The following MFHAS1 variants were observed in gnomAD, a reference collection of about 807,000 sequenced individuals.
MFHAS1 encodes malignant fibrous histiocytoma-amplified sequence 1.
A neutral mutation model predicts 70.4 loss-of-function variants in MFHAS1; 50 were observed. The observed-to-expected ratio is 0.71, with a 90% CI of 0.57 to 0.90. MFHAS1 has a LOEUF of 0.90. Among genes scored for constraint, MFHAS1 ranks in the 40% least tolerant of loss-of-function variants. The pLI, the probability that MFHAS1 is intolerant of heterozygous loss-of-function variation, is 0.00. For missense variants in MFHAS1, 1,795 were observed against 1,347.6 expected (o/e 1.33, Z -5.20); for synonymous variants, 952 against 620.0 (o/e 1.54, Z -7.96).
intron 1 of MFHAS1, among the ~76,000 whole-genome samples, chr8:8,831,238 C>G (rs1807375267): frequency 6.6e-6 from 1 of 152,010 alleles, no homozygotes; most frequent in Admixed American, 6.6e-5. Flanking sequence ...TCCTTATAGA[C>G]TCTATCTCCA....
At chr8:8,877,160 C>T (rs1478230971) in intron 1 of MFHAS1, among the ~76,000 whole-genome samples, 2 of 151,704 alleles carry the variant, frequency 1.3e-5, no homozygotes, top group Non-Finnish European at 2.9e-5. Context: ...ACTAACTGGG[C>T]ATGGTGGCAT....
At chr8:8,824,303 T>C (rs1563190718) in intron 1 of MFHAS1, among the ~76,000 whole-genome samples, 1 of 152,014 alleles carries the variant, frequency 6.6e-6, no homozygotes, top group Non-Finnish European at 1.5e-5. Flanking sequence ...TTAAGCATCT[T>C]AAGAAATACA....
At chr8:8,883,707 C>CAAAAAAAAAA (rs35799658) in intron 1 of MFHAS1, among the ~76,000 whole-genome samples, 58 of 29,542 alleles carry the variant, frequency 2.0e-3, no homozygotes, top group African/African-American at 5.3e-3. Context: ...GACTCAGTCT[C>CAAAAAAAAAA]AAAAAAAAAA....
intron 1 of MFHAS1, among the ~76,000 whole-genome samples, chr8:8,819,513 G>C (rs1048361043): frequency 5.3e-5 from 8 of 150,634 alleles, no homozygotes; most frequent in Admixed American, 2.0e-4. Context: ...GCTGAGGCAG[G>C]AGAATGGCGT....
intron 1 of MFHAS1, among the ~76,000 whole-genome samples, chr8:8,885,161 G>A (rs1014171962): frequency 1.3e-5 from 2 of 152,218 alleles, no homozygotes; most frequent in African/African-American, 4.8e-5. Context: ...GGTACACTCC[G>A]TGTGCAAGAA....
rs1025798370 is a variant in MFHAS1, at chr8:8,893,091, C to A, written c.-33G>T. On this transcript the variant is annotated 5_prime_UTR_variant, in exon 1 of 3. Coordinates refer to ENST00000276282, the MANE Select transcript of MFHAS1 (RefSeq NM_004225.3). ...CCCCGGGCCGACAGCCTCACGCGGA[C>A]GCGGGAGCCCGCAGCTACATGCCGC... The A allele has an allele frequency of 2.2e-5, 31 of 1,404,980 alleles. No homozygotes were observed. In the African/African-American group the frequency reaches 4.5e-4, roughly 21 times the overall value. The allele number at this position is 1,404,980 out of a possible 1,614,324, so 87.0% of individuals were successfully genotyped here.
intron 1 of MFHAS1, among the ~76,000 whole-genome samples, chr8:8,857,488 G>T (rs370217881): frequency 6.6e-6 from 1 of 152,132 alleles, no homozygotes; most frequent in Non-Finnish European, 1.5e-5. Flanking sequence ...GCCCGGCGCG[G>T]TGTCTAACGC....
chr8:8,880,689 T>G (rs997422191), intron 1 of MFHAS1, among the ~76,000 whole-genome samples: 54 of 145,382 alleles, frequency 3.7e-4, no homozygotes, highest in African/African-American at 1.3e-3. Context: ...TTTTTGTTTT[T>G]TTTTTTTTTC....
intron 1 of MFHAS1, among the ~76,000 whole-genome samples, chr8:8,851,894 C>T (rs1808260313): frequency 6.6e-6 from 1 of 152,188 alleles, no homozygotes; most frequent in African/African-American, 2.4e-5. Flanking sequence ...TCTCCATTCT[C>T]TTGGTGACAG....
chr8:8,807,049 T>A (rs773298614), intron 1 of MFHAS1, among the ~76,000 whole-genome samples: 3 of 151,652 alleles, frequency 2.0e-5, no homozygotes, highest in Non-Finnish European at 4.4e-5. Context: ...GTATAGAAAA[T>A]CATTCCTCAA....
At chr8:8,847,201 G>C (rs1156480375) in intron 1 of MFHAS1, among the ~76,000 whole-genome samples, 1 of 152,042 alleles carries the variant, frequency 6.6e-6, no homozygotes, top group Non-Finnish European at 1.5e-5. Flanking sequence ...TTTCTTTTGA[G>C]ACAGAGTTTT....
At chr8:8,829,236 C>T (rs763054172) in intron 1 of MFHAS1, among the ~76,000 whole-genome samples, 11 of 152,214 alleles carry the variant, frequency 7.2e-5, no homozygotes, top group Non-Finnish European at 1.0e-4. Flanking sequence ...TGGCAGATTC[C>T]AACTCAGTAT....
intron 1 of MFHAS1, among the ~76,000 whole-genome samples, chr8:8,889,070 G>C (rs1288669272): frequency 6.7e-6 from 1 of 149,018 alleles, no homozygotes; most frequent in African/African-American, 2.5e-5. Context: ...AACTAGTCCT[G>C]GAATTCTTCC....
At chr8:8,812,397 C>A (rs1299335058) in intron 1 of MFHAS1, among the ~76,000 whole-genome samples, 1 of 152,180 alleles carries the variant, frequency 6.6e-6, no homozygotes, top group Admixed American at 6.5e-5. Context: ...GGGCACATCT[C>A]TGGAGATCTT....
At chr8:8,834,605 G>C (rs964239867) in intron 1 of MFHAS1, among the ~76,000 whole-genome samples, 3 of 152,202 alleles carry the variant, frequency 2.0e-5, no homozygotes, top group Non-Finnish European at 4.4e-5. Flanking sequence ...CAACAGGCTT[G>C]ACCATATAGC....
intron 1 of MFHAS1, among the ~76,000 whole-genome samples, chr8:8,863,560 C>T (rs1585058633): frequency 6.6e-6 from 1 of 152,164 alleles, no homozygotes. Flanking sequence ...CCCTTGCACC[C>T]GTGGTCTCTA....
intron 1 of MFHAS1, among the ~76,000 whole-genome samples, chr8:8,829,143 C>T (rs541435669): frequency 6.6e-6 from 1 of 152,292 alleles, no homozygotes; most frequent in South Asian, 2.1e-4. Context: ...TTCAGGGACC[C>T]CAATACGTCA....
chr8:8,802,404 C>A (rs1259413063), intron 1 of MFHAS1, among the ~76,000 whole-genome samples: 1 of 152,204 alleles, frequency 6.6e-6, no homozygotes, highest in African/African-American at 2.4e-5. Flanking sequence ...GACCCTATTA[C>A]TGTAGTCACG....
At chr8:8,810,651 T>C (rs1438435359) in intron 1 of MFHAS1, among the ~76,000 whole-genome samples, 1 of 152,226 alleles carries the variant, frequency 6.6e-6, no homozygotes, top group African/African-American at 2.4e-5. Flanking sequence ...CAGTATATAA[T>C]ACATAAAACA....
Sources: allele counts gnomAD v4.1 joint callset (sites outside exome capture counted in the v4.1 genomes callset), GRCh38; gene constraint gnomAD v4.1.1; transcripts MANE v1.5; gene names NCBI Gene and HGNC (gene_info 2026-07-23, HGNC 2026-07-21).